PARP14: variants seen among roughly 807,000 people sequenced by gnomAD.
PARP14 encodes poly(ADP-ribose) polymerase family member 14, also known as protein mono-ADP-ribosyltransferase PARP14.
Under a neutral mutation model 154.2 loss-of-function variants are expected in PARP14, and 59 were observed. The observed-to-expected ratio is 0.38, with a 90% CI of 0.31 to 0.48. PARP14 has a LOEUF of 0.48. PARP14 is among the 20% of genes least tolerant of loss of function. PARP14 has a pLI of 0.98. For synonymous variants in PARP14, 720 were observed against 780.5 expected (o/e 0.92, Z 1.29); for missense variants, 1,734 against 2,131.6 (o/e 0.81, Z 3.67).
intron 12 of PARP14, among the ~76,000 whole-genome samples, chr3:122,715,411 C>A (rs994122203): frequency 1.1e-4 from 16 of 152,138 alleles, no homozygotes; most frequent in African/African-American, 3.9e-4. Context: ...TTCTTCTAAC[C>A]CTCTGACCCA....
chr3:122,707,175 T>C (rs1442257971), intron 8 of PARP14, among the ~76,000 whole-genome samples: 1 of 152,138 alleles, frequency 6.6e-6, no homozygotes, highest in Non-Finnish European at 1.5e-5. Flanking sequence ...TCCCAGCACC[T>C]TGGGCAGCCA....
At position 122,718,820 on chromosome 3, in the gene PARP14, G is replaced by T; in HGVS notation, c.4669G>T (p.Glu1557Ter). The T allele has an allele frequency of 2.5e-6, 4 of 1,613,926 alleles. No homozygotes were observed. The highest frequency in any genetic ancestry group is 3.4e-6 in the Non-Finnish European group (4 of 1,179,860). The change falls in exon 14 of 17, where the codon GAG (glutamate) becomes TAG (stop). Residue 1557 changes from glutamate (E) to a stop codon, truncating the protein, a stop_gained. Transcript: ENST00000474629. LOFTEE classifies it high-confidence loss of function. ...CFNKMTNLKLEDARREKKKTV... is the reference protein window; with the variant it reads ...CFNKMTNLKL ...TAACAAAATGACCAATCTGAAATTA[G>T]AGGATGCAAGGAGAGAAAAGAAAAA...
chr3:122,707,069 A>G (rs1455311725), intron 8 of PARP14, among the ~76,000 whole-genome samples: 1 of 152,214 alleles, frequency 6.6e-6, no homozygotes, highest in Non-Finnish European at 1.5e-5. Context: ...TGCAAAATGC[A>G]TAAATTCTTT....
chr3:122,682,739 G>A (rs967101977), intron 1 of PARP14, among the ~76,000 whole-genome samples: 7 of 151,936 alleles, frequency 4.6e-5, no homozygotes, highest in African/African-American at 1.7e-4. Flanking sequence ...CCCCAGCACA[G>A]ATGACCCAAA....
rs3732831 is a variant in PARP14 at position 122,728,842 on chromosome 3, A to G, written c.*245A>G. The G allele has an allele frequency of 9.1e-6, 4 of 439,818 alleles. No homozygotes were observed. The East Asian group carries it at 1.3e-4, about 14-fold the overall frequency. 27.2% of individuals were successfully genotyped at this position (439,818 alleles called of 1,614,324 possible). Reference sequence around the variant, plus strand: ...CAGTTGCAACTGTGTGTCCACAAGTATGGACATCAAATCTGTGGGAAAAGA... The same window carrying G: ...CAGTTGCAACTGTGTGTCCACAAGTGTGGACATCAAATCTGTGGGAAAAGA... On this transcript the variant is annotated 3_prime_UTR_variant, in exon 17 of 17. Coordinates refer to ENST00000474629, the MANE Select transcript of PARP14 (RefSeq NM_017554.3).
Position 122,700,161 on chromosome 3 carries a change from T to C in PARP14, c.1607T>C (p.Ile536Thr). The C allele has an allele frequency of 6.2e-7, 1 of 1,613,290 alleles. No individual in the cohort carries two copies. Among genetic ancestry groups the C allele is most frequent in the Non-Finnish European group, 8.5e-7 (1 of 1,179,526 alleles). ...EKVYTMAQKNIQVSPEIFQFL... is the reference protein window; with the variant it reads ...EKVYTMAQKNTQVSPEIFQFL... ...GTGTACACCATGGCTCAGAAAAACA[T>C]TCAGGTTTCTCCTGAGATTTTTCAG... Residue 536 changes from isoleucine to threonine, a missense_variant, in exon 6 of 17, where the codon ATT becomes ACT. This residue lies in a region of PARP14 where 1,646 missense variants were observed against 1,976.0 expected (regional missense o/e 0.83). Transcript: ENST00000474629.
At position 122,696,482 on chromosome 3, in the gene PARP14, G is replaced by A. The variant is rs140177479; in HGVS notation, c.835+820G>A. ...GGAAAACTGGATGAAAGTATGGTTT[G>A]AATTAAAATGGAATGAAAGACCTAC... is the stretch of plus-strand genomic sequence containing the variant. On this transcript the variant is annotated intron_variant, in intron 5 of 16. Transcript: ENST00000474629. 4.1e-3 allele frequency among the ~76,000 whole-genome samples: 618 copies of A among 152,252 alleles called. 6 individuals are homozygous for A. Among genetic ancestry groups the A allele is most frequent in the African/African-American group, 0.013 (543 of 41,542 alleles).
chr3:122,720,055 C>A (rs1560082343), intron 14 of PARP14, among the ~76,000 whole-genome samples, 200 bp from the exon 15 acceptor site: 3 of 151,962 alleles, frequency 2.0e-5, no homozygotes. Flanking sequence ...TGTGGCTTTC[C>A]TTTTTTTTGT....
In PARP14 at chr3:122,704,510, T is replaced by G; in HGVS notation, c.3319-17T>G. 6.7e-7 allele frequency: 1 copy of G among 1,487,028 alleles called. No individual in the cohort carries two copies. Among genetic ancestry groups the G allele is most frequent in the South Asian group, 1.2e-5 (1 of 84,518 alleles). The allele number at this position is 1,487,028 out of a possible 1,614,324, so 92.1% of individuals were successfully genotyped here. On this transcript the variant is annotated splice_polypyrimidine_tract_variant and intron_variant, in intron 7 of 16. Coordinates refer to ENST00000474629, the MANE Select transcript of PARP14 (RefSeq NM_017554.3). Reference sequence around the variant, plus strand: ...TTTCTAGACAAGATGTATAAGGATGTGCTTTGTGCGTTTCAGATAATGGAA... The same window carrying G: ...TTTCTAGACAAGATGTATAAGGATGGGCTTTGTGCGTTTCAGATAATGGAA...
Position 122,700,282 on chromosome 3 carries a change from C to G in PARP14, c.1728C>G (p.Leu576=), listed in dbSNP as rs1938919299. ...ALYELEGTTV[L]LTSCSSEALL... ...ATGAGCTAGAGGGTACAACTGTTCTCTTAACCAGCTGTTCTTCTGAAGCCC... is the reference window on the plus strand; with the variant it reads ...ATGAGCTAGAGGGTACAACTGTTCTGTTAACCAGCTGTTCTTCTGAAGCCC... Residue 576 remains leucine, a synonymous_variant, in exon 6 of 17, where the codon CTC becomes CTG. Transcript: ENST00000474629. The G allele has an allele frequency of 6.2e-7, 1 of 1,613,034 alleles. No homozygotes were observed. Among genetic ancestry groups the G allele is most frequent in the South Asian group, 1.1e-5 (1 of 90,938 alleles).
At chr3:122,685,365 G>T in intron 2 of PARP14, 47 bp downstream of exon 2, 2 of 1,558,934 alleles carry the variant, frequency 1.3e-6, no homozygotes, top group East Asian at 2.2e-5. Context: ...GTCTCCCAAG[G>T]TGTGTGAGAT....
At position 122,680,864 on chromosome 3, in the gene PARP14, G is replaced by C; in HGVS notation, c.-20G>C. The C allele has an allele frequency of 6.3e-7, 1 of 1,580,360 alleles. No homozygotes were observed. The highest frequency in any genetic ancestry group is 1.4e-5 in the African/African-American group (1 of 73,884). On this transcript the variant is annotated 5_prime_UTR_variant, in exon 1 of 17. Transcript: ENST00000474629. ...GGAGTTGGCGCGGCCCCTGCAGTCCGGCGGAGAGCGGAGCTGAGGATGGCT... is the reference window on the plus strand; with the variant it reads ...GGAGTTGGCGCGGCCCCTGCAGTCCCGCGGAGAGCGGAGCTGAGGATGGCT...
intron 8 of PARP14, among the ~76,000 whole-genome samples, chr3:122,707,544 A>G (rs1243707132): frequency 6.6e-6 from 1 of 152,190 alleles, no homozygotes; most frequent in African/African-American, 2.4e-5. Flanking sequence ...AGGCCAAGGC[A>G]GGAGGATCAC....
intron 2 of PARP14, chr3:122,686,876 G>A (rs1938391528): frequency 1.9e-6 from 1 of 520,542 alleles, no homozygotes; most frequent in Non-Finnish European, 3.4e-6. Context: ...TGTTATTTGT[G>A]TCTCATCTTC....
At chr3:122,714,590 T>C (rs1932938077) in intron 12 of PARP14, among the ~76,000 whole-genome samples, 161 bp downstream of exon 12, 1 of 152,030 alleles carries the variant, frequency 6.6e-6, no homozygotes, top group African/African-American at 2.4e-5. Context: ...CCCAAGGGAA[T>C]GACAAAGCCT....
At chr3:122,683,882 A>C (rs1938290441) in intron 1 of PARP14, among the ~76,000 whole-genome samples, 1 of 152,166 alleles carries the variant, frequency 6.6e-6, no homozygotes, top group Non-Finnish European at 1.5e-5. Flanking sequence ...ACTCTAAATA[A>C]CTTGACTTAC....
At position 122,700,037 on chromosome 3, in the gene PARP14, C is replaced by T. The variant is rs1285330692; in HGVS notation, c.1483C>T (p.Pro495Ser). Residue 495 changes from proline (P) to serine (S), a missense_variant, in exon 6 of 17, where the codon CCA becomes TCA. Around this residue, in one of 2 missense-constraint regions of PARP14, gnomAD observed 1,646 missense variants for 1,976.0 expected, o/e 0.83. Coordinates refer to ENST00000474629, the MANE Select transcript of PARP14 (RefSeq NM_017554.3). Reference sequence around the variant, plus strand: ...ACTGGACCATTTACTCACGGAGTGCCCAGAGATAGAGATTTGTTACGATAG... The same window carrying T: ...ACTGGACCATTTACTCACGGAGTGCTCAGAGATAGAGATTTGTTACGATAG... ...SLLDHLLTECPEIEICYDRVT... is the reference protein window; with the variant it reads ...SLLDHLLTECSEIEICYDRVT... 1 of 1,613,856 alleles carries T rather than the reference C, an allele frequency of 6.2e-7. No homozygotes were observed.
intron 9 of PARP14, 38 bp from the exon 10 acceptor site, chr3:122,713,386 G>T (rs751167479): frequency 7.0e-6 from 11 of 1,577,346 alleles, no homozygotes; most frequent in East Asian, 6.8e-5. Context: ...TCTTGCTGTG[G>T]CTGACTCGGT....
intron 1 of PARP14, among the ~76,000 whole-genome samples, chr3:122,682,863 G>A (rs745873182): frequency 2.0e-4 from 30 of 152,178 alleles, no homozygotes; most frequent in Non-Finnish European, 3.8e-4. Flanking sequence ...CCATCCTTGA[G>A]CAACATGGTG....
Sources: allele counts gnomAD v4.1 joint callset (sites outside exome capture counted in the v4.1 genomes callset), GRCh38; gene constraint gnomAD v4.1.1; regional missense constraint gnomAD v4.1.1; transcripts MANE v1.5; gene names NCBI Gene and HGNC (gene_info 2026-07-23, HGNC 2026-07-21).